Variants in TUB observed in about 807,000 individuals in gnomAD.
The protein encoded by TUB is tubby protein homolog.
In TUB, 33 loss-of-function variants were observed where a neutral mutation model predicts 59.7. The ratio of observed to expected loss-of-function variants is 0.55; its 90% confidence interval spans 0.42 to 0.74. The LOEUF (loss-of-function observed/expected upper bound fraction) is 0.74. Among genes scored for constraint, TUB ranks in the 30% least tolerant of loss-of-function variants. TUB has a pLI of 0.00. For synonymous variants in TUB, 293 were observed against 256.4 expected (o/e 1.14, Z -1.36); for missense variants, 659 against 672.0 (o/e 0.98, Z 0.21).
In TUB at chr11:8,101,013, CCTACTCAT is replaced by C. The variant is rs758966781; in HGVS notation, c.1387+17_1387+24del. 6.2e-7 allele frequency: 1 copy of C among 1,613,796 alleles called. No individual in the cohort carries two copies. Among genetic ancestry groups the C allele is most frequent in the Non-Finnish European group, 8.5e-7 (1 of 1,179,922 alleles). On this transcript the variant is annotated intron_variant, in intron 11 of 11. Coordinates refer to ENST00000299506, the MANE Select transcript of TUB (RefSeq NM_177972.3). The stretch of plus-strand genomic sequence containing the variant: ...GGCAATGACCGTGAGTGTTTCTGTC[CCTACTCAT>C]TATGGTCCGTAGGATACCCAAGGCC...
At chr11:8,039,153 C>T in intron 1 of TUB, 1 of 1,220,492 alleles carries the variant, frequency 8.2e-7, no homozygotes, top group Non-Finnish European at 1.1e-6. Flanking sequence ...GTGCTGCTCC[C>T]CTATCACCAC....
In TUB at chr11:8,089,665, A is replaced by C. The variant is rs757213389; in HGVS notation, c.90+4A>C. The C allele has an allele frequency of 5.6e-6, 9 of 1,614,136 alleles. No individual in the cohort carries two copies. In the South Asian group the frequency reaches 8.8e-5, roughly 16 times the overall value. On this transcript the variant is annotated splice_donor_region_variant and intron_variant, in intron 2 of 11. Transcript: ENST00000299506. ...GCAGCAGAAGCTTGATCGGCAGGTG[A>C]GTAGGCCTGGGGCCGGGTAGAAGGG... is the stretch of plus-strand genomic sequence containing the variant.
At chr11:8,034,462 C>T (rs577818839), upstream of TUB, among the ~76,000 whole-genome samples, 2 of 152,250 alleles carry the variant, frequency 1.3e-5, no homozygotes, top group South Asian at 2.1e-4. Flanking sequence ...GGAGGGAGTC[C>T]TTTGCTGGAT....
Position 8,090,138 on chromosome 11 carries a change from G to A in TUB, c.160G>A (p.Gly54Arg). Residue 54 changes from glycine (G) to arginine (R), a missense_variant, in exon 3 of 12, where the codon GGG (glycine) becomes AGG (arginine). By Grantham distance (125) the Gly-to-Arg change is moderately radical (BLOSUM62 -2). Around this residue, in one of 3 missense-constraint regions of TUB, gnomAD observed 321 missense variants for 304.3 expected, o/e 1.05. Coordinates refer to ENST00000299506, the MANE Select transcript of TUB (RefSeq NM_177972.3). ...CCTGATGGTGCAGGCCAATGCAGAT[G>A]GGCGGCCCCGGAGCCGGCGGGCCCG... ...EPLMVQANADGRPRSRRARQS... is the reference protein window; with the variant it reads ...EPLMVQANADRRPRSRRARQS... The A allele has an allele frequency of 6.2e-7, 1 of 1,613,552 alleles. No individual in the cohort carries two copies. The highest frequency in any genetic ancestry group is 8.5e-7 in the Non-Finnish European group (1 of 1,179,864).
intron 2 of TUB, among the ~76,000 whole-genome samples, chr11:8,073,775 T>C (rs776983234): frequency 2.6e-5 from 4 of 152,222 alleles, no homozygotes; most frequent in Admixed American, 6.5e-5. Context: ...AGATGCCCCC[T>C]GGGCAAGTGG....
chr11:8,073,777 G>C (rs1245854765), intron 2 of TUB, among the ~76,000 whole-genome samples: 1 of 152,210 alleles, frequency 6.6e-6, no homozygotes. Flanking sequence ...ATGCCCCCTG[G>C]GCAAGTGGGC....
Position 8,101,471 on chromosome 11 carries a change from T to C in TUB, c.1388-15T>C. The C allele has an allele frequency of 6.2e-7, 1 of 1,614,132 alleles. No individual in the cohort carries two copies. Among genetic ancestry groups the C allele is most frequent in the South Asian group, 1.1e-5 (1 of 91,082 alleles). ...TCCTGTCCTTTTCTCTGTCTGTGCC[T>C]GTGCTTGGCCCCAGCGGACTACATC... On this transcript the variant is annotated splice_polypyrimidine_tract_variant and intron_variant, in intron 11 of 11. Coordinates refer to ENST00000299506, the MANE Select transcript of TUB (RefSeq NM_177972.3).
intron 2 of TUB, among the ~76,000 whole-genome samples, chr11:8,069,632 C>T (rs1163883870): frequency 2.6e-5 from 4 of 152,158 alleles, no homozygotes; most frequent in Non-Finnish European, 5.9e-5. Flanking sequence ...TGGCGCTCCT[C>T]TCATTAGCCG....
chr11:8,097,803 G>A lies in TUB; in HGVS notation c.975G>A (p.Gly325=), dbSNP rs1380895862. ...SVDPTDLSRG[G]DSYIGKLRSN... is the part of the protein sequence containing the mutation. ...ACCCAACAGACTTGTCTCGAGGAGG[G>A]GACAGCTATATCGGGAAACTGCGGT... The change falls in exon 8 of 12, where the codon GGG becomes GGA. Residue 325 remains glycine, a synonymous_variant. Coordinates refer to ENST00000299506, the MANE Select transcript of TUB (RefSeq NM_177972.3). 6.2e-7 allele frequency: 1 copy of A among 1,613,832 alleles called. No individual in the cohort carries two copies. Among genetic ancestry groups the A allele is most frequent in the Admixed American group, 1.7e-5 (1 of 59,960 alleles).
At chr11:8,037,412 C>T (rs1036648280), upstream of TUB, among the ~76,000 whole-genome samples, 1 of 152,200 alleles carries the variant, frequency 6.6e-6, no homozygotes, top group Non-Finnish European at 1.5e-5. Context: ...AATGTGTTCA[C>T]TTTTGCACCC....
upstream of TUB, among the ~76,000 whole-genome samples, chr11:8,079,974 A>G (rs1943514882): frequency 6.6e-6 from 1 of 152,208 alleles, no homozygotes; most frequent in Admixed American, 6.5e-5. Context: ...CCTGACGCCC[A>G]GCAAATAATC....
intron 7 of TUB, 32 bp downstream of exon 7, chr11:8,097,457 G>A: frequency 6.2e-7 from 1 of 1,613,740 alleles, no homozygotes; most frequent in Non-Finnish European, 8.5e-7. Flanking sequence ...TATCATCTAG[G>A]CTTTACAGCC....
At chr11:8,077,952 A>G (rs1943476642), upstream of TUB, among the ~76,000 whole-genome samples, 1 of 152,226 alleles carries the variant, frequency 6.6e-6, no homozygotes, top group Admixed American at 6.5e-5. Context: ...AAGCCAACAG[A>G]CAGGGCCCAA....
At chr11:8,045,649 T>C (rs1041335586) in intron 2 of TUB, among the ~76,000 whole-genome samples, 1 of 152,258 alleles carries the variant, frequency 6.6e-6, no homozygotes, top group Non-Finnish European at 1.5e-5. Context: ...GTAAGTATAA[T>C]ACAAATATTC....
At chr11:8,101,039 C>T in intron 11 of TUB, 42 bp downstream of exon 11, 1 of 1,610,670 alleles carries the variant, frequency 6.2e-7, no homozygotes, top group Non-Finnish European at 8.5e-7. Flanking sequence ...CGTAGGATAC[C>T]CAAGGCCCTT....
At position 8,103,978 on chromosome 11, in the gene TUB, T is replaced by C. The variant is rs375910387; in HGVS notation, c.*2359T>C. ...GACAGGCTGAGCTTTCTAGCCTAAG[T>C]GTGGAGAAGGATAGCCTCAGCCACA... On this transcript the variant is annotated 3_prime_UTR_variant, in exon 12 of 12. Transcript: ENST00000299506. 1 of 152,218 alleles carries C rather than the reference T, an allele frequency of 6.6e-6. No homozygotes were observed. The allele number at this position is 152,218 out of a possible 1,614,324, so 9.4% of individuals were successfully genotyped here. A position where few individuals can be genotyped will look rare whatever the true frequency, so the allele number is the denominator to read the frequency against.
chr11:8,030,354 T>C (rs1421814880), intron 1 of TUB, among the ~76,000 whole-genome samples: 2 of 152,314 alleles, frequency 1.3e-5, no homozygotes, highest in Non-Finnish European at 2.9e-5. Flanking sequence ...GCCTTCACTC[T>C]GGAAAATCCT....
chr11:8,030,722 C>G (rs567249173), intron 1 of TUB, among the ~76,000 whole-genome samples: 11 of 152,242 alleles, frequency 7.2e-5, no homozygotes, highest in Admixed American at 7.2e-4. Flanking sequence ...GAGCACAGAG[C>G]TGAGGTCCGG....
chr11:8,090,724 T>C (rs946760791), intron 3 of TUB, among the ~76,000 whole-genome samples: 3 of 152,202 alleles, frequency 2.0e-5, no homozygotes, highest in Admixed American at 2.0e-4. Context: ...TTAAGAGCTG[T>C]AGTGACCTGG....
Sources: allele counts gnomAD v4.1 joint callset (sites outside exome capture counted in the v4.1 genomes callset), GRCh38; gene constraint gnomAD v4.1.1; regional missense constraint gnomAD v4.1.1; transcripts MANE v1.5; gene names NCBI Gene and HGNC (gene_info 2026-07-23, HGNC 2026-07-21).